EPS15L1: variants seen among roughly 807,000 people sequenced by gnomAD.
The protein encoded by EPS15L1 is epidermal growth factor receptor pathway substrate 15 like 1.
EPS15L1 carries 43 observed loss-of-function variants against 117.1 expected under a neutral mutation model. That is an observed-to-expected ratio of 0.37 (90% CI 0.29 to 0.47). The LOEUF (loss-of-function observed/expected upper bound fraction) is 0.47. Among genes scored for constraint, EPS15L1 ranks in the 20% least tolerant of loss-of-function variants. The probability of loss-of-function intolerance (pLI) is 0.99; values close to 1 mark genes in which losing one functional copy is unlikely to be tolerated. For synonymous variants in EPS15L1, 459 were observed against 470.5 expected (o/e 0.98, Z 0.32); for missense variants, 981 against 1,164.0 (o/e 0.84, Z 2.29).
chr19:16,399,550 G>C lies in EPS15L1; in HGVS notation c.1791+2771C>G, dbSNP rs574152520. On this transcript the variant is annotated intron_variant, in intron 16 of 23. Transcript: ENST00000455140. ...GTGCTGGGCAGCAGGGGTGTGCTGG[G>C]AATCAGTTCTCTCAGAAAAAAGCCC... 3.7e-4 allele frequency among the ~76,000 whole-genome samples: 56 copies of C among 152,256 alleles called. 1 individual carries two copies. Among genetic ancestry groups the C allele is most frequent in the African/African-American group, 1.3e-3 (52 of 41,542 alleles).
intron 9 of EPS15L1, among the ~76,000 whole-genome samples, chr19:16,422,604 C>G (rs1313755422): frequency 6.6e-6 from 1 of 152,136 alleles, no homozygotes. Context: ...CACTCCTCAC[C>G]TTCAATGAAC....
At chr19:16,434,641 C>CTGT in intron 6 of EPS15L1, 151 bp from the exon 7 acceptor site, 2 of 803,574 alleles carry the variant, frequency 2.5e-6, no homozygotes, top group South Asian at 3.5e-5. Context: ...AGTCTTGGCC[C>CTGT]CTTGGTTTCC....
At position 16,436,907 on chromosome 19, in the gene EPS15L1, C is replaced by T. The variant is rs373660699; in HGVS notation, c.372+30G>A. 8.4e-5 allele frequency: 131 copies of T among 1,568,790 alleles called. No homozygotes were observed. In the African/African-American group the frequency reaches 1.5e-3, roughly 18 times the overall value. ...TGGAACAATTCTATCTGAAGGAGAG[C>T]CAAGGAGGGAGCTATTCCCGTTCAC... On this transcript the variant is annotated intron_variant, in intron 6 of 23. Transcript: ENST00000455140.
At chr19:16,459,758 A>G (rs929681970) in intron 1 of EPS15L1, among the ~76,000 whole-genome samples, 1 of 152,178 alleles carries the variant, frequency 6.6e-6, no homozygotes. Context: ...ACAGGGGAGC[A>G]GGCCGTATTT....
chr19:16,437,949 G>C, intron 4 of EPS15L1, 84 bp from the exon 5 acceptor site: 1 of 1,029,062 alleles, frequency 9.7e-7, no homozygotes. Flanking sequence ...AGGCTTCAGG[G>C]AAAGAGGATG....
chr19:16,359,914 A>C (rs2092030045), intron 23 of EPS15L1, among the ~76,000 whole-genome samples: 1 of 151,606 alleles, frequency 6.6e-6, no homozygotes, highest in Non-Finnish European at 1.5e-5. Context: ...AACAGAAAAC[A>C]ACAGGGCTGC....
chr19:16,361,258 T>TAA (rs68004226), intron 23 of EPS15L1, among the ~76,000 whole-genome samples: 1,583 of 148,348 alleles, frequency 0.011, 6 homozygotes, highest in Non-Finnish European at 0.014. Context: ...TTAAAAGCTT[T>TAA]AAAAAAAAAA....
Position 16,405,141 on chromosome 19 carries a change from T to C in EPS15L1, c.1267-392A>G, listed in dbSNP as rs532852597. ...TCACAGGGAAACTACAGTCACACCT[T>C]GTGGGCAGGGAAGATGCCCACAAAA... On this transcript the variant is annotated intron_variant, in intron 13 of 23. Coordinates refer to ENST00000455140, the MANE Select transcript of EPS15L1 (RefSeq NM_001258374.3). The surrounding 1 kb of genome is among the most constrained non-coding windows in gnomAD (Gnocchi z 4.0). Among the ~76,000 whole-genome samples, 2 of 152,294 alleles carry C rather than the reference T, an allele frequency of 1.3e-5. No homozygotes were observed. Among genetic ancestry groups the C allele is most frequent in the East Asian group, 3.9e-4 (2 of 5,180 alleles).
At chr19:16,469,925 G>C (rs1164109784) in intron 1 of EPS15L1, among the ~76,000 whole-genome samples, 1 of 152,178 alleles carries the variant, frequency 6.6e-6, no homozygotes, top group African/African-American at 2.4e-5. Flanking sequence ...AGACAGTAAG[G>C]GCCTGGGAGG....
chr19:16,442,131 C>T, intron 2 of EPS15L1, 47 bp downstream of exon 2: 1 of 1,570,724 alleles, frequency 6.4e-7, no homozygotes, highest in South Asian at 1.1e-5. Flanking sequence ...GTGCTTTCAG[C>T]TCAGGCATGC....
At chr19:16,421,971 C>T (rs906068335) in intron 9 of EPS15L1, among the ~76,000 whole-genome samples, 4 of 152,162 alleles carry the variant, frequency 2.6e-5, no homozygotes, top group African/African-American at 9.7e-5. Flanking sequence ...TATGTCCCTG[C>T]CCCACTCCTG....
intron 1 of EPS15L1, among the ~76,000 whole-genome samples, chr19:16,452,462 A>C (rs528531301): frequency 2.7e-5 from 4 of 150,902 alleles, no homozygotes; most frequent in East Asian, 1.9e-4. Context: ...AAAAAAAAAA[A>C]CACAAGCCAG....
intron 13 of EPS15L1, among the ~76,000 whole-genome samples, chr19:16,406,651 G>A (rs1000399727): frequency 1.3e-4 from 20 of 152,208 alleles, no homozygotes. Context: ...ATGGATCCAG[G>A]ACACTAGGGG....
Position 16,441,837 on chromosome 19 carries a change from G to C in EPS15L1, c.165+55C>G, listed in dbSNP as rs371007291. ...CCTGCACAGGCTGGCCCTGACCTGC[G>C]GGGGGAGCTGTGAGGGCAGCCACAG... On this transcript the variant is annotated intron_variant, in intron 3 of 23. Transcript: ENST00000455140. 5.4e-4 allele frequency: 777 copies of C among 1,426,712 alleles called. 2 individuals carry two copies. Among genetic ancestry groups the C allele is most frequent in the African/African-American group, 1.3e-3 (92 of 71,138 alleles). 88.4% of individuals were successfully genotyped at this position (1,426,712 alleles called of 1,614,324 possible).
intron 1 of EPS15L1, among the ~76,000 whole-genome samples, chr19:16,466,460 T>G (rs1430262008): frequency 6.6e-6 from 1 of 152,150 alleles, no homozygotes. Context: ...TTGGGCTCAT[T>G]TCTTTATATC....
chr19:16,406,176 T>G (rs1225982737), intron 13 of EPS15L1, among the ~76,000 whole-genome samples: 1 of 152,104 alleles, frequency 6.6e-6, no homozygotes, highest in Non-Finnish European at 1.5e-5. Context: ...CTCCTCACTA[T>G]GGGGACAAAA....
intron 1 of EPS15L1, among the ~76,000 whole-genome samples, chr19:16,445,947 T>C (rs2093079299): frequency 6.6e-6 from 1 of 152,206 alleles, no homozygotes; most frequent in Admixed American, 6.5e-5. Flanking sequence ...AGTGTGTGAA[T>C]TGTTGATGAG....
Position 16,441,888 on chromosome 19 carries a change from A to G in EPS15L1, c.165+4T>C. 1 of 1,610,660 alleles carries G rather than the reference A, an allele frequency of 6.2e-7. No homozygotes were observed. The highest frequency in any genetic ancestry group is 8.5e-7 in the Non-Finnish European group (1 of 1,177,438). ...AAGAGAAATCACTATTCATCTTCAC[A>G]TACCTTCCCAAGGATAATGTCCGAG... On this transcript the variant is annotated splice_donor_region_variant and intron_variant, in intron 3 of 23. Coordinates refer to ENST00000455140, the MANE Select transcript of EPS15L1 (RefSeq NM_001258374.3).
Position 16,471,700 on chromosome 19 carries a change from T to C in EPS15L1, c.33+213A>G, listed in dbSNP as rs1408376730. On this transcript the variant is annotated intron_variant, in intron 1 of 23. Coordinates refer to ENST00000455140, the MANE Select transcript of EPS15L1 (RefSeq NM_001258374.3). This position sits in a 1 kb window ranked among gnomAD's most constrained non-coding sequence, Gnocchi z 4.8. ...GACACGCGCTGCGCACCTCCTCGCC[T>C]CGCCGGTGCCCGCGAGGGTCGCTCG... Among the ~76,000 whole-genome samples the C allele has an allele frequency of 6.6e-6, 1 of 151,624 alleles. No homozygotes were observed. The highest frequency in any genetic ancestry group is 2.4e-5 in the African/African-American group (1 of 41,248).
Sources: gnomAD v4.1 joint callset for allele counts (sites outside exome capture counted in the v4.1 genomes callset) on GRCh38, gnomAD v4.1.1 for gene constraint, Gnocchi (gnomAD v3.1) non-coding constraint, MANE v1.5 for transcripts, NCBI Gene and HGNC (gene_info 2026-07-23, HGNC 2026-07-21) for gene names.